Variants in MAP4K4 observed in about 807,000 individuals in gnomAD.
MAP4K4 encodes HPK/GCK-like kinase HGK.
A neutral mutation model predicts 189.6 loss-of-function variants in MAP4K4; 38 were observed. The observed-to-expected ratio is 0.20, with a 90% CI of 0.15 to 0.26. MAP4K4 has a LOEUF of 0.26. Among genes scored for constraint, MAP4K4 ranks in the 10% least tolerant of loss-of-function variants. MAP4K4 has a pLI of 1.00. For synonymous variants in MAP4K4, 610 were observed against 624.3 expected, an observed-to-expected ratio of 0.98 and a Z score of 0.34; for missense variants, 1,054 against 1,726.9, an observed-to-expected ratio of 0.61 and a Z score of 6.91.
At chr2:101,706,397 A>G (rs1415763001) in intron 2 of MAP4K4, among the ~76,000 whole-genome samples, 1 of 152,216 alleles carries the variant, frequency 6.6e-6, no homozygotes, top group Non-Finnish European at 1.5e-5. Flanking sequence ...ATGACTATGT[A>G]AATACCATTT....
chr2:101,767,485 C>T (rs1394296424), intron 2 of MAP4K4, among the ~76,000 whole-genome samples: 1 of 152,184 alleles, frequency 6.6e-6, no homozygotes, highest in African/African-American at 2.4e-5. Context: ...AAAGACTCTT[C>T]CTTCTGTATG....
intron 7 of MAP4K4, among the ~76,000 whole-genome samples, chr2:101,833,017 A>T (rs909645558): frequency 6.6e-5 from 10 of 152,226 alleles, no homozygotes; most frequent in Admixed American, 5.2e-4. Context: ...ACAGCAGGGG[A>T]CATGCAGAAC....
At chr2:101,829,947 C>G (rs2096543787) in intron 6 of MAP4K4, among the ~76,000 whole-genome samples, 1 of 152,208 alleles carries the variant, frequency 6.6e-6, no homozygotes. Flanking sequence ...ACCCGTGCTA[C>G]TTTTCCCTCC....
chr2:101,889,730 C>T (rs114846962), intron 32 of MAP4K4, among the ~76,000 whole-genome samples: 213 of 152,334 alleles, frequency 1.4e-3, no homozygotes, highest in African/African-American at 4.9e-3. Flanking sequence ...CCCTGAAGAA[C>T]GTTTCCACCT....
At chr2:101,821,365 A>G (rs962184801) in intron 3 of MAP4K4, among the ~76,000 whole-genome samples, 2 of 152,156 alleles carry the variant, frequency 1.3e-5, no homozygotes, top group African/African-American at 4.8e-5. Flanking sequence ...GTTGTCCATC[A>G]TCAGAGTGTG....
At chr2:101,723,393 A>G (rs1413515667) in intron 2 of MAP4K4, among the ~76,000 whole-genome samples, 3 of 152,238 alleles carry the variant, frequency 2.0e-5, no homozygotes, top group African/African-American at 4.8e-5. Flanking sequence ...GTTTAGATGC[A>G]TATCTTACAT....
chr2:101,720,547 A>G (rs2051253761), intron 2 of MAP4K4, among the ~76,000 whole-genome samples: 1 of 152,008 alleles, frequency 6.6e-6, no homozygotes, highest in Non-Finnish European at 1.5e-5. Context: ...GACTGGCTAA[A>G]AGATCTGTCA....
intron 3 of MAP4K4, among the ~76,000 whole-genome samples, chr2:101,815,287 G>C (rs2095652309): frequency 6.6e-6 from 1 of 152,110 alleles, no homozygotes; most frequent in African/African-American, 2.4e-5. Context: ...TGCCACTCTG[G>C]TTGAAGGATG....
chr2:101,857,039 T>A (rs1389268822), intron 13 of MAP4K4, among the ~76,000 whole-genome samples: 1 of 152,232 alleles, frequency 6.6e-6, no homozygotes, highest in Non-Finnish European at 1.5e-5. Context: ...TTTAACTGTG[T>A]AGCGCGTGTG....
At chr2:101,866,360 A>G (rs2097815563) in intron 18 of MAP4K4, 68 bp from the exon 19 acceptor site, 5 of 1,493,494 alleles carry the variant, frequency 3.3e-6, no homozygotes, top group Non-Finnish European at 4.6e-6. Context: ...CACCATGCAC[A>G]TGTTGGTAAT....
chr2:101,791,758 A>C (rs551223398), intron 3 of MAP4K4, among the ~76,000 whole-genome samples: 1 of 152,312 alleles, frequency 6.6e-6, no homozygotes, highest in East Asian at 1.9e-4. Context: ...CATCTTCAGC[A>C]TGGGTATTTG....
At chr2:101,698,599 G>A in intron 2 of MAP4K4, 61 bp downstream of exon 2, 5 of 1,504,538 alleles carry the variant, frequency 3.3e-6, no homozygotes, top group East Asian at 2.3e-5. Context: ...TGGGGGACGA[G>A]GAGAGGGTGA....
At chr2:101,797,888 A>ATTTTTTTTTTTTTTTTTTT (rs1558971586) in intron 3 of MAP4K4, among the ~76,000 whole-genome samples, 5 of 7,624 alleles carry the variant, frequency 6.6e-4, no homozygotes, top group African/African-American at 7.1e-4. Context: ...ACATTCTTTT[A>ATTTTTTTTTTTTTTTTTTT]GTTTTTTTTT....
At chr2:101,730,994 T>C (rs186405328) in intron 2 of MAP4K4, among the ~76,000 whole-genome samples, 55 of 150,272 alleles carry the variant, frequency 3.7e-4, no homozygotes, top group Admixed American at 1.1e-3. Flanking sequence ...TGCAGTGAGC[T>C]GAGATTGCGC....
intron 27 of MAP4K4, among the ~76,000 whole-genome samples, chr2:101,880,993 C>G (rs887143361): frequency 6.6e-6 from 1 of 152,062 alleles, no homozygotes; most frequent in African/African-American, 2.4e-5. Flanking sequence ...CTAGAGTCAG[C>G]TTATTGATAT....
intron 12 of MAP4K4, among the ~76,000 whole-genome samples, chr2:101,855,086 G>GT (rs1332643989): frequency 6.6e-6 from 1 of 152,218 alleles, no homozygotes; most frequent in Admixed American, 6.5e-5. Flanking sequence ...AGCTAGAAGA[G>GT]TGAGTTGTCA....
intron 32 of MAP4K4, among the ~76,000 whole-genome samples, chr2:101,890,324 T>C (rs11689885): frequency 0.61 from 93,238 of 152,054 alleles, 30,292 homozygotes; most frequent in African/African-American, 0.84. Context: ...TTTCCTTTGT[T>C]GTCTCACAAT....
intron 5 of MAP4K4, among the ~76,000 whole-genome samples, chr2:101,827,957 T>C (rs1386316036): frequency 6.6e-6 from 1 of 152,216 alleles, no homozygotes; most frequent in Admixed American, 6.5e-5. Flanking sequence ...GGAAGGATAA[T>C]TGTGGCCTAA....
chr2:101,769,401 CAGAT>C (rs1444518073), intron 2 of MAP4K4, among the ~76,000 whole-genome samples: 1 of 151,992 alleles, frequency 6.6e-6, no homozygotes, highest in Non-Finnish European at 1.5e-5. Context: ...GTGGTCATAA[CAGAT>C]AGAATTTTGA....
Sources: gnomAD v4.1 joint callset for allele counts (sites outside exome capture counted in the v4.1 genomes callset) on GRCh38, gnomAD v4.1.1 for gene constraint, MANE v1.5 for transcripts, NCBI Gene and HGNC (gene_info 2026-07-23, HGNC 2026-07-21) for gene names.